RBFOX1: variants seen among roughly 807,000 people sequenced by gnomAD.
RBFOX1 encodes the protein RNA binding protein fox-1 homolog 1.
A neutral mutation model predicts 57.7 loss-of-function variants in RBFOX1; 8 were observed. The ratio of observed to expected loss-of-function variants is 0.14; its 90% confidence interval spans 0.08 to 0.25. The LOEUF (loss-of-function observed/expected upper bound fraction) is 0.25, where lower values mean the gene tolerates loss of function less well. Ranked by LOEUF, RBFOX1 falls within the 10% of genes least tolerant of loss-of-function variation. RBFOX1 has a pLI of 1.00. For synonymous variants in RBFOX1, 326 were observed against 222.4 expected, an observed-to-expected ratio of 1.47 and a Z score of -4.15; for missense variants, 611 against 548.5, an observed-to-expected ratio of 1.11 and a Z score of -1.14.
chr16:6,421,658 A>C (rs1242153252), intron 2 of RBFOX1, among the ~76,000 whole-genome samples: 1 of 152,178 alleles, frequency 6.6e-6, no homozygotes, highest in Non-Finnish European at 1.5e-5. Context: ...GGCACAGAAG[A>C]AAACATGGGT....
rs138881090 is a variant in RBFOX1, at chr16:6,623,614, G to A, written c.-63-30989G>A. Among the ~76,000 whole-genome samples the A allele has an allele frequency of 4.3e-3, 648 of 151,830 alleles. 4 individuals are homozygous for A. Among genetic ancestry groups the A allele is most frequent in the Middle Eastern group, 0.024 (7 of 294 alleles). The stretch of plus-strand genomic sequence containing the variant: ...CCCCCTGCCCCACACCCCACAACAG[G>A]CCCCGGTGTCTAATGTTCCCCTTCC... On this transcript the variant is annotated intron_variant, in intron 2 of 15. Coordinates refer to ENST00000550418, the MANE Select transcript of RBFOX1 (RefSeq NM_018723.4).
At chr16:7,257,450 G>T (rs1183948028) in intron 4 of RBFOX1, among the ~76,000 whole-genome samples, 1 of 152,056 alleles carries the variant, frequency 6.6e-6, no homozygotes, top group Non-Finnish European at 1.5e-5. Context: ...TGAAATAGCA[G>T]CCACTGGGAG....
chr16:7,632,359 G>T (rs147378473), intron 11 of RBFOX1, among the ~76,000 whole-genome samples: 8 of 152,194 alleles, frequency 5.3e-5, no homozygotes, highest in Admixed American at 1.3e-4. Context: ...CTTGGGGCCA[G>T]TGTAAATGTG....
At chr16:6,804,025 G>A (rs74833940) in intron 3 of RBFOX1, among the ~76,000 whole-genome samples, 33 of 147,706 alleles carry the variant, frequency 2.2e-4, no homozygotes, top group African/African-American at 8.3e-4. Context: ...TTTTTTTTTC[G>A]AGATGGAGTC....
intron 4 of RBFOX1, among the ~76,000 whole-genome samples, chr16:7,517,514 T>C (rs1364296278): frequency 1.3e-5 from 2 of 149,544 alleles, no homozygotes; most frequent in African/African-American, 5.0e-5. Flanking sequence ...TGCTTCATTT[T>C]GGCACTGGGG....
At chr16:7,473,860 G>A (rs907307705) in intron 4 of RBFOX1, among the ~76,000 whole-genome samples, 4 of 152,082 alleles carry the variant, frequency 2.6e-5, no homozygotes, top group African/African-American at 9.7e-5. Flanking sequence ...TGATTCTAGG[G>A]GATGTGCCAA....
intron 2 of RBFOX1, among the ~76,000 whole-genome samples, chr16:5,538,667 C>T (rs1015872832): frequency 2.7e-5 from 4 of 149,352 alleles, no homozygotes; most frequent in Non-Finnish European, 4.4e-5. Context: ...CCCTTGTTGC[C>T]TAGGCTGGAG....
intron 4 of RBFOX1, among the ~76,000 whole-genome samples, chr16:7,109,521 G>C (rs1005480065): frequency 2.0e-5 from 3 of 152,080 alleles, no homozygotes; most frequent in African/African-American, 7.2e-5. Flanking sequence ...GTGACAGAGT[G>C]ACTCACCTAA....
At chr16:6,730,461 C>G (rs1470575374) in intron 3 of RBFOX1, among the ~76,000 whole-genome samples, 1 of 152,056 alleles carries the variant, frequency 6.6e-6, no homozygotes, top group Non-Finnish European at 1.5e-5. Context: ...ATTATCTAAT[C>G]TATCCATCTA....
chr16:6,966,797 G>GTC (rs1568128837), intron 3 of RBFOX1, among the ~76,000 whole-genome samples: 2 of 147,966 alleles, frequency 1.4e-5, no homozygotes, highest in African/African-American at 5.1e-5. Flanking sequence ...CTATCTGTCT[G>GTC]TCTGTCTGTC....
chr16:7,702,763 C>G (rs926085974), intron 14 of RBFOX1, among the ~76,000 whole-genome samples: 2 of 152,178 alleles, frequency 1.3e-5, no homozygotes, highest in African/African-American at 2.4e-5. Flanking sequence ...AGATGCAGTT[C>G]CTCCGGATGG....
At chr16:6,888,822 T>C (rs763993140) in intron 3 of RBFOX1, among the ~76,000 whole-genome samples, 37 of 152,202 alleles carry the variant, frequency 2.4e-4, no homozygotes, top group African/African-American at 6.5e-4. Context: ...TTAGATCTTA[T>C]TGCTTCTAAC....
At chr16:5,326,669 AG>A (rs1434357095) in intron 1 of RBFOX1, among the ~76,000 whole-genome samples, 1 of 152,184 alleles carries the variant, frequency 6.6e-6, no homozygotes, top group Admixed American at 6.5e-5. Flanking sequence ...TATTTAGCAG[AG>A]GTTATCCGTT....
intron 1 of RBFOX1, among the ~76,000 whole-genome samples, chr16:6,295,959 C>T (rs1051755407): frequency 5.3e-5 from 8 of 152,184 alleles, no homozygotes; most frequent in African/African-American, 1.9e-4. Context: ...TCACATATGT[C>T]TGTATGGTTA....
At chr16:5,778,355 G>A (rs1026479979) in intron 3 of RBFOX1, among the ~76,000 whole-genome samples, 8 of 152,028 alleles carry the variant, frequency 5.3e-5, no homozygotes, top group South Asian at 4.2e-4. Context: ...CAGGACCCCC[G>A]ACCTGGCTAG....
At chr16:5,776,624 C>T (rs535863288) in intron 3 of RBFOX1, among the ~76,000 whole-genome samples, 1 of 152,192 alleles carries the variant, frequency 6.6e-6, no homozygotes, top group South Asian at 2.1e-4. Flanking sequence ...CCACAGTGAG[C>T]CTTCATCATA....
At chr16:6,058,344 TCCTCCCTCTCCTTCTC>T (rs2095640372) in intron 1 of RBFOX1, among the ~76,000 whole-genome samples, 1 of 151,386 alleles carries the variant, frequency 6.6e-6, no homozygotes, top group Non-Finnish European at 1.5e-5. Flanking sequence ...CTCCTCTCCT[TCCTCCCTCTCCTTCTC>T]AGATGTGAAT....
intron 1 of RBFOX1, among the ~76,000 whole-genome samples, chr16:5,331,863 C>T (rs1302362050): frequency 6.6e-6 from 1 of 152,244 alleles, no homozygotes; most frequent in East Asian, 1.9e-4. Context: ...GCACCAACCC[C>T]TGTGTTCCAG....
At chr16:6,402,689 G>A (rs1043960730) in intron 2 of RBFOX1, among the ~76,000 whole-genome samples, 1 of 149,890 alleles carries the variant, frequency 6.7e-6, no homozygotes, top group Non-Finnish European at 1.5e-5. Context: ...TGATGAGTAA[G>A]GCCCATTTAT....
Sources: gnomAD v4.1 joint callset for allele counts (sites outside exome capture counted in the v4.1 genomes callset) on GRCh38, gnomAD v4.1.1 for gene constraint, MANE v1.5 for transcripts, NCBI Gene and HGNC (gene_info 2026-07-23, HGNC 2026-07-21) for gene names.